The following IP6K1 variants were observed in gnomAD, a reference collection of about 807,000 sequenced individuals.
IP6K1 encodes the protein ATP:1D-myo-inositol-hexakisphosphate phosphotransferase.
A neutral mutation model predicts 38.3 loss-of-function variants in IP6K1; 13 were observed. The observed-to-expected ratio is 0.34, with a 90% CI of 0.22 to 0.54. The LOEUF (loss-of-function observed/expected upper bound fraction) is 0.54. Ranked by LOEUF, IP6K1 falls within the 20% of genes least tolerant of loss-of-function variation. IP6K1 has a pLI of 0.92. For missense variants in IP6K1, 397 were observed against 599.8 expected, an observed-to-expected ratio of 0.66 and a Z score of 3.53; for synonymous variants, 212 against 229.9, an observed-to-expected ratio of 0.92 and a Z score of 0.70.
intron 1 of IP6K1, among the ~76,000 whole-genome samples, chr3:49,784,650 A>AAG (rs2081095581): frequency 6.6e-6 from 1 of 151,046 alleles, no homozygotes; most frequent in Non-Finnish European, 1.5e-5. Flanking sequence ...GTCTCAGAAA[A>AAG]AAAAAAAAAA....
At position 49,727,453 on chromosome 3, in the gene IP6K1, G is replaced by A; in HGVS notation, c.995C>T (p.Ser332Phe). ...LERQASYRFYSSSLLVIYDGK... is the reference protein window; with the variant it reads ...LERQASYRFYFSSLLVIYDGK... ...ATCATAGATGACAAGCAGGGAACTG[G>A]AGTAGAAGCGGTAAGAGGCCTGCCG... The change falls in exon 6 of 6, where the codon TCC becomes TTC. Residue 332 changes from serine (S) to phenylalanine (F), a missense_variant. Around this residue, in one of 3 missense-constraint regions of IP6K1, gnomAD observed 164 missense variants for 213.5 expected, o/e 0.77. Transcript: ENST00000321599. The surrounding 1 kb of genome is among the most constrained non-coding windows in gnomAD (Gnocchi z 5.9). 1.2e-6 allele frequency: 2 copies of A among 1,614,124 alleles called. No homozygotes were observed. The highest frequency in any genetic ancestry group is 1.7e-6 in the Non-Finnish European group (2 of 1,180,036).
rs779393912 is a variant in IP6K1 at position 49,747,986 on chromosome 3, C to T, written c.55G>A (p.Ala19Thr). ...VGQYGKNASR[A>T]GDRGVLLEPF... ...TCCAGGAGGACTCCCCGGTCTCCAG[C>T]CCGACTTGCATTCTTGCCATACTGC... The change falls in exon 2 of 6, where the codon GCT (alanine) becomes ACT (threonine). Residue 19 changes from alanine (A) to threonine (T), a missense_variant. Physicochemically the swap from Ala to Thr is moderately conservative, Grantham distance 58. Coordinates refer to ENST00000321599, the MANE Select transcript of IP6K1 (RefSeq NM_153273.4). The T allele has an allele frequency of 1.1e-5, 18 of 1,613,904 alleles. No individual in the cohort carries two copies. Among genetic ancestry groups the T allele is most frequent in the Non-Finnish European group, 1.4e-5 (16 of 1,180,048 alleles).
chr3:49,740,181 G>A (rs2080653292), intron 2 of IP6K1, among the ~76,000 whole-genome samples: 1 of 149,762 alleles, frequency 6.7e-6, no homozygotes, highest in Non-Finnish European at 1.5e-5. Context: ...AATAAGTTGT[G>A]GTGTTCAGTC....
At chr3:49,779,013 T>A in intron 1 of IP6K1, among the ~76,000 whole-genome samples, 1 of 152,262 alleles carries the variant, frequency 6.6e-6, no homozygotes, top group East Asian at 1.9e-4. Context: ...TGATTTTAAG[T>A]ATAAAATTTA....
intron 3 of IP6K1, 75 bp downstream of exon 3, chr3:49,738,137 C>T: frequency 8.1e-7 from 1 of 1,230,956 alleles, no homozygotes; most frequent in East Asian, 2.4e-5. Flanking sequence ...GTGAGCCCTG[C>T]TTCCCCATGA....
chr3:49,752,603 A>G (rs1002744739), intron 1 of IP6K1, among the ~76,000 whole-genome samples: 1 of 151,524 alleles, frequency 6.6e-6, no homozygotes, highest in Non-Finnish European at 1.5e-5. Context: ...GCTCACCTCA[A>G]TCTCCACTTC....
chr3:49,752,065 A>G (rs2080781585), intron 1 of IP6K1, among the ~76,000 whole-genome samples: 1 of 152,046 alleles, frequency 6.6e-6, no homozygotes, highest in Non-Finnish European at 1.5e-5. Flanking sequence ...GAGTACAATG[A>G]TATGGTCATG....
Position 49,728,120 on chromosome 3 carries a change from T to G in IP6K1, c.775A>C (p.Arg259=). The change falls in exon 5 of 6, where the codon AGG becomes CGG. Residue 259 remains arginine (R), a synonymous_variant. Transcript: ENST00000321599. Reference sequence around the variant, plus strand: ...TAACTCACCTGCATGCCGCAGACCCTGACGCCCAGCGTGGCTGATGTGCTC... The same window carrying G: ...TAACTCACCTGCATGCCGCAGACCCGGACGCCCAGCGTGGCTGATGTGCTC... The part of the protein sequence containing the change: ...EQSTSATLGV[R]VCGMQVYQLD... The G allele has an allele frequency of 6.2e-7, 1 of 1,613,902 alleles. No homozygotes were observed. Among genetic ancestry groups the G allele is most frequent in the Non-Finnish European group, 8.5e-7 (1 of 1,179,932 alleles).
chr3:49,751,427 TG>T (rs1298537137), intron 1 of IP6K1, among the ~76,000 whole-genome samples: 1 of 152,130 alleles, frequency 6.6e-6, no homozygotes, highest in East Asian at 1.9e-4. Flanking sequence ...CCCACAGTGC[TG>T]GGATTACAGG....
At chr3:49,772,668 G>A (rs1047249399) in intron 1 of IP6K1, among the ~76,000 whole-genome samples, 5 of 151,702 alleles carry the variant, frequency 3.3e-5, no homozygotes, top group African/African-American at 1.2e-4. Flanking sequence ...CTCCCAAAGT[G>A]CTGGGATTAC....
intron 1 of IP6K1, among the ~76,000 whole-genome samples, chr3:49,765,510 C>A (rs541898190): frequency 6.7e-6 from 1 of 148,452 alleles, no homozygotes; most frequent in African/African-American, 2.5e-5. Flanking sequence ...ATTAGCAGGG[C>A]ATGGTGGCAC....
chr3:49,725,151 A>G lies in IP6K1; in HGVS notation c.*1971T>C, dbSNP rs1300373981. On this transcript the variant is annotated 3_prime_UTR_variant, in exon 6 of 6. Transcript: ENST00000321599. ...CCTTCCCACTCTTTGTAGTGCCAGGAAAATACTGAATGTAAGTGGGTGCAG... is the reference window on the plus strand; with the variant it reads ...CCTTCCCACTCTTTGTAGTGCCAGGGAAATACTGAATGTAAGTGGGTGCAG... 1 of 152,688 alleles carries G rather than the reference A, an allele frequency of 6.5e-6. No homozygotes were observed. Among genetic ancestry groups the G allele is most frequent in the African/African-American group, 2.4e-5 (1 of 41,450 alleles). The allele number at this position is 152,688 out of a possible 1,614,324, so 9.5% of individuals were successfully genotyped here.
chr3:49,775,685 C>A (rs1021656445), intron 1 of IP6K1: 3 of 479,682 alleles, frequency 6.3e-6, no homozygotes, highest in African/African-American at 6.0e-5. Context: ...CTGCTACTCC[C>A]GGCAGAAAGG....
chr3:49,741,975 G>A (rs2080672588), intron 2 of IP6K1, among the ~76,000 whole-genome samples: 1 of 152,046 alleles, frequency 6.6e-6, no homozygotes, highest in African/African-American at 2.4e-5. Context: ...ATCTTTAAAG[G>A]CCATAATATG....
chr3:49,735,691 A>C (rs991161063), intron 3 of IP6K1, among the ~76,000 whole-genome samples: 1 of 152,102 alleles, frequency 6.6e-6, no homozygotes, highest in Non-Finnish European at 1.5e-5. Context: ...ACATAACCCC[A>C]CTCAGCCAGT....
chr3:49,757,107 C>A (rs1279815629), intron 1 of IP6K1, among the ~76,000 whole-genome samples: 1 of 152,174 alleles, frequency 6.6e-6, no homozygotes, highest in Non-Finnish European at 1.5e-5. Context: ...CTAAACTGCT[C>A]ACATGTGAAA....
At chr3:49,771,593 T>A (rs1172610956) in intron 1 of IP6K1, among the ~76,000 whole-genome samples, 1 of 152,182 alleles carries the variant, frequency 6.6e-6, no homozygotes, top group African/African-American at 2.4e-5. Flanking sequence ...CTCTCATACA[T>A]TACTGGTGAG....
chr3:49,725,746 TGAGA>T lies in IP6K1; in HGVS notation c.*1372_*1375del, dbSNP rs758609705. On this transcript the variant is annotated 3_prime_UTR_variant, in exon 6 of 6. Coordinates refer to ENST00000321599, the MANE Select transcript of IP6K1 (RefSeq NM_153273.4). ...CTGGCAGCCAAAATGACTAAAACCATGAGAAAGGAAGGGTCACTCCTCAAGCCCT... is the reference window on the plus strand; with the variant it reads ...CTGGCAGCCAAAATGACTAAAACCATAAGGAAGGGTCACTCCTCAAGCCCT... 9 of 152,396 alleles carry T rather than the reference TGAGA, an allele frequency of 5.9e-5. No individual in the cohort carries two copies. The highest frequency in any genetic ancestry group is 2.1e-4 in the South Asian group (1 of 4,832). 9.4% of individuals were successfully genotyped at this position (152,396 alleles called of 1,614,324 possible).
intron 1 of IP6K1, among the ~76,000 whole-genome samples, chr3:49,758,314 CAAAAAAAAAA>C (rs11359274): frequency 1.8e-5 from 1 of 54,404 alleles, no homozygotes; most frequent in Non-Finnish European, 3.3e-5. Context: ...GACTCCATCT[CAAAAAAAAAA>C]AAAAAAAAAA....
Sources: allele counts gnomAD v4.1 joint callset (sites outside exome capture counted in the v4.1 genomes callset), GRCh38; gene constraint gnomAD v4.1.1; regional missense constraint gnomAD v4.1.1; non-coding constraint Gnocchi (gnomAD v3.1); transcripts MANE v1.5; gene names NCBI Gene and HGNC (gene_info 2026-07-23, HGNC 2026-07-21).